Variants in UBR4 observed in about 807,000 individuals in gnomAD.
The protein encoded by UBR4 is ubiquitin protein ligase E3 component n-recognin 4.
Under a neutral mutation model 575.6 loss-of-function variants are expected in UBR4, and 124 were observed. The observed-to-expected ratio is 0.22, with a 90% CI of 0.19 to 0.25. The LOEUF (loss-of-function observed/expected upper bound fraction) is 0.25. Among genes scored for constraint, UBR4 ranks in the 10% least tolerant of loss-of-function variants. UBR4 has a pLI of 1.00. For synonymous variants in UBR4, 2,455 were observed against 2,473.7 expected (o/e 0.99, Z 0.22); for missense variants, 4,818 against 6,478.8 (o/e 0.74, Z 8.80).
chr1:19,094,044 C>T lies in UBR4; in HGVS notation c.13842G>A (p.Gln4614=), dbSNP rs148976478. 1.7e-4 allele frequency: 277 copies of T among 1,614,168 alleles called. 2 individuals carry two copies. In the East Asian group the frequency reaches 6.2e-3, roughly 36 times the overall value. The stretch of plus-strand genomic sequence containing the variant: ...GGTACGGGATGATGCGAAGCAGGCC[C>T]TGGAGCACACTGGGGTTGGAGCGAA... ...TFVRSNPSVL[Q]GLLRIIPYLS... The change falls in exon 95 of 106, where the codon CAG becomes CAA. Residue 4614 remains glutamine (Q), a synonymous_variant. Coordinates refer to ENST00000375254, the MANE Select transcript of UBR4 (RefSeq NM_020765.3).
intron 39 of UBR4, among the ~76,000 whole-genome samples, chr1:19,158,831 C>A (rs2086838852): frequency 6.6e-6 from 1 of 152,016 alleles, no homozygotes; most frequent in Non-Finnish European, 1.5e-5. Context: ...TTCCAACTGA[C>A]TATTATTCCC....
intron 1 of UBR4, among the ~76,000 whole-genome samples, chr1:19,203,651 A>G (rs2092861363): frequency 6.6e-6 from 1 of 152,234 alleles, no homozygotes; most frequent in Non-Finnish European, 1.5e-5. Context: ...GTGATGAATC[A>G]CCTTGAATAA....
rs200514170 is a variant in UBR4 at position 19,153,295 on chromosome 1, C to G, written c.6832+6G>C. 7 of 1,614,096 alleles carry G rather than the reference C, an allele frequency of 4.3e-6. No individual in the cohort carries two copies. In the East Asian group the frequency reaches 6.7e-5, roughly 15 times the overall value. Reference sequence around the variant, plus strand: ...CCCCCACAAGTCATCTGAGAAGGAGCCTTACTGATTGTAGCTGTTTTGCGC... The same window carrying G: ...CCCCCACAAGTCATCTGAGAAGGAGGCTTACTGATTGTAGCTGTTTTGCGC... On this transcript the variant is annotated splice_donor_region_variant and intron_variant, in intron 46 of 105. Transcript: ENST00000375254. This position sits in a 1 kb window ranked among gnomAD's most constrained non-coding sequence, Gnocchi z 4.1.
chr1:19,101,209 C>A (rs1424388884), intron 88 of UBR4, among the ~76,000 whole-genome samples: 1 of 152,220 alleles, frequency 6.6e-6, no homozygotes, highest in African/African-American at 2.4e-5. Context: ...AATACCGCTT[C>A]TTCCACAGTA....
chr1:19,139,290 A>C lies in UBR4; in HGVS notation c.8594-70T>G. 2.0e-6 allele frequency: 3 copies of C among 1,520,934 alleles called. No individual in the cohort carries two copies. The highest frequency in any genetic ancestry group is 2.7e-6 in the Non-Finnish European group (3 of 1,129,064). 94.2% of individuals were successfully genotyped at this position (1,520,934 alleles called of 1,614,324 possible). A position where few individuals can be genotyped will look rare whatever the true frequency, so the allele number is the denominator to read the frequency against. ...CAAACAAACAAACAAAAAACAAAAA[A>C]AACCCCTCCTTGGGATGAAAGCATC... is the stretch of plus-strand genomic sequence containing the variant. On this transcript the variant is annotated intron_variant, in intron 58 of 105. Coordinates refer to ENST00000375254, the MANE Select transcript of UBR4 (RefSeq NM_020765.3). This position sits in a 1 kb window ranked among gnomAD's most constrained non-coding sequence, Gnocchi z 4.2.
chr1:19,187,087 T>G (rs990079786), intron 13 of UBR4, 77 bp downstream of exon 13: 44 of 913,762 alleles, frequency 4.8e-5, no homozygotes, highest in South Asian at 3.0e-4. Flanking sequence ...TATATATATA[T>G]ATATATATAC....
At chr1:19,140,981 C>T in intron 57 of UBR4, 89 bp from the exon 58 acceptor site, 1 of 1,338,456 alleles carries the variant, frequency 7.5e-7, no homozygotes, top group African/African-American at 1.4e-5. Context: ...CAAGAGTCTC[C>T]AAACACCAGC....
Position 19,093,782 on chromosome 1 carries a change from C to T in UBR4, c.13937+167G>A, listed in dbSNP as rs920846208. Among the ~76,000 whole-genome samples the T allele has an allele frequency of 7.2e-5, 11 of 152,168 alleles. No homozygotes were observed. The highest frequency in any genetic ancestry group is 2.0e-4 in the Admixed American group (3 of 15,280). On this transcript the variant is annotated intron_variant, in intron 95 of 105. Transcript: ENST00000375254. The surrounding 1 kb of genome is among the most constrained non-coding windows in gnomAD (Gnocchi z 4.8). ...TGACTAGCCAATTGCTACTCTAATA[C>T]AGTATATTTTAACTATTCACTTCCC...
intron 8 of UBR4, among the ~76,000 whole-genome samples, chr1:19,194,999 G>A (rs1294466778): frequency 1.3e-5 from 2 of 151,646 alleles, no homozygotes; most frequent in East Asian, 1.9e-4. Context: ...GGTGGCTCAC[G>A]CTTGTAATCC....
At chr1:19,150,511 C>T (rs1421725009) in intron 49 of UBR4, 66 bp downstream of exon 49, 3 of 1,551,406 alleles carry the variant, frequency 1.9e-6, no homozygotes, top group African/African-American at 1.4e-5. Flanking sequence ...TCTCTCAAGA[C>T]ACAGGAAGGT....
At position 19,165,308 on chromosome 1, in the gene UBR4, T is replaced by G. The variant is rs1284317795; in HGVS notation, c.4253A>C (p.Asn1418Thr). The G allele has an allele frequency of 1.9e-6, 3 of 1,614,084 alleles. No individual in the cohort carries two copies. Among genetic ancestry groups the G allele is most frequent in the Middle Eastern group, 1.6e-4 (1 of 6,062 alleles). Residue 1418 changes from asparagine to threonine, a missense_variant, in exon 31 of 106, where the codon AAC (asparagine) becomes ACC (threonine). Transcript: ENST00000375254. The part of the protein sequence containing the change: ...VQIMMATANE[N>T]LSAKFCNRVL... ...TCGGTTACAGAATTTAGCAGAGAGG[T>G]TCTCATTGGCTGTTGCCATCATGAT...
intron 68 of UBR4, 121 bp downstream of exon 68, chr1:19,121,068 T>C (rs1054621936): frequency 2.0e-5 from 28 of 1,385,260 alleles, no homozygotes; most frequent in Middle Eastern, 2.0e-4. Context: ...TAGAGAACAT[T>C]TGGGCTTTAA....
In UBR4 at chr1:19,121,199, CTTTTCT is replaced by C. The variant is rs1209372279; in HGVS notation, c.10125_10130del (p.Glu3378_Lys3379del). 3 of 1,613,758 alleles carry C rather than the reference CTTTTCT, an allele frequency of 1.9e-6. No individual in the cohort carries two copies. The highest frequency in any genetic ancestry group is 1.1e-5 in the South Asian group (1 of 90,920). On this transcript the variant is annotated inframe_deletion, in exon 68 of 106. Coordinates refer to ENST00000375254, the MANE Select transcript of UBR4 (RefSeq NM_020765.3). ...GAGGGTGACCCTTACCATCTTTCTCCTTTTCTTTTTCTTCTTTCTTGCTCTTTTTAG... is the reference window on the plus strand; with the variant it reads ...GAGGGTGACCCTTACCATCTTTCTCCTTTTCTTCTTTCTTGCTCTTTTTAG...
At chr1:19,113,622 A>C (rs2080157741) in intron 77 of UBR4, 77 bp downstream of exon 77, 1 of 1,579,026 alleles carries the variant, frequency 6.3e-7, no homozygotes, top group East Asian at 2.2e-5. Context: ...TAGATGAGAG[A>C]GCAGCAGGAC....
intron 70 of UBR4, among the ~76,000 whole-genome samples, chr1:19,119,267 C>T (rs909606562): frequency 1.2e-4 from 18 of 152,298 alleles, no homozygotes; most frequent in Admixed American, 5.2e-4. Flanking sequence ...ATAATCAGGG[C>T]TACTAGCAAA....
At chr1:19,076,336 C>T (rs1271187671) in intron 105 of UBR4, among the ~76,000 whole-genome samples, 4 of 152,198 alleles carry the variant, frequency 2.6e-5, no homozygotes, top group Non-Finnish European at 4.4e-5. Flanking sequence ...CATGTTAATT[C>T]TCTGAACTGC....
chr1:19,125,073 T>C (rs1570781885), intron 64 of UBR4, among the ~76,000 whole-genome samples: 1 of 152,040 alleles, frequency 6.6e-6, no homozygotes, highest in African/African-American at 2.4e-5. Flanking sequence ...ATTCTATCCC[T>C]AGAACCAAAA....
At chr1:19,087,278 G>A (rs2077109599) in intron 99 of UBR4, among the ~76,000 whole-genome samples, 8 of 152,266 alleles carry the variant, frequency 5.3e-5, no homozygotes, top group Admixed American at 5.2e-4. Flanking sequence ...AGTTCCAGCT[G>A]GAAAGAAGAG....
At chr1:19,151,207 C>A in intron 48 of UBR4, 1 of 323,782 alleles carries the variant, frequency 3.1e-6, no homozygotes, top group Non-Finnish European at 5.8e-6. Flanking sequence ...GAAATGCAGT[C>A]TTGAGTAAGG....
Sources: gnomAD v4.1 joint callset for allele counts (sites outside exome capture counted in the v4.1 genomes callset) on GRCh38, gnomAD v4.1.1 for gene constraint, Gnocchi (gnomAD v3.1) non-coding constraint, MANE v1.5 for transcripts, NCBI Gene and HGNC (gene_info 2026-07-23, HGNC 2026-07-21) for gene names.